The following MFSD11 variants were observed in gnomAD, a reference collection of about 807,000 sequenced individuals.
MFSD11 encodes the protein UNC93-like protein MFSD11.
Under a neutral mutation model 53.5 loss-of-function variants are expected in MFSD11, and 36 were observed. The ratio of observed to expected loss-of-function variants is 0.67; its 90% CI spans 0.52 to 0.89. MFSD11 has a LOEUF of 0.89. MFSD11 is among the 40% of genes least tolerant of loss of function. MFSD11 has a pLI of 0.00. For synonymous variants in MFSD11, 186 were observed against 184.9 expected, an observed-to-expected ratio of 1.01 and a Z score of -0.05; for missense variants, 530 against 543.9, an observed-to-expected ratio of 0.97 and a Z score of 0.25.
At chr17:76,775,659 A>G (rs556550405) in intron 11 of MFSD11, among the ~76,000 whole-genome samples, 4 of 152,326 alleles carry the variant, frequency 2.6e-5, no homozygotes, top group African/African-American at 7.2e-5. Flanking sequence ...AGCCCAGCCC[A>G]AAAAACTATA....
At chr17:76,781,133 G>A (rs2082154198), downstream of MFSD11, 1 of 152,244 alleles carries the variant, frequency 6.6e-6, no homozygotes, top group African/African-American at 2.4e-5. Flanking sequence ...CAGTGAAGGT[G>A]TGTTCCAGGC....
chr17:76,754,680 T>C (rs2079395845), intron 8 of MFSD11, among the ~76,000 whole-genome samples: 1 of 35,228 alleles, frequency 2.8e-5, no homozygotes, highest in Non-Finnish European at 5.5e-5. Flanking sequence ...GGAGACTCCA[T>C]CTCAAAAAAA....
intron 9 of MFSD11, 59 bp downstream of exon 9, chr17:76,767,510 A>G (rs2080960153): frequency 6.6e-6 from 7 of 1,053,282 alleles, no homozygotes; most frequent in South Asian, 4.1e-5. Context: ...GGAGTTGAAA[A>G]CGAGCCACGT....
chr17:76,739,020 T>A, intron 2 of MFSD11, 27 bp downstream of exon 2: 2 of 1,589,954 alleles, frequency 1.3e-6, no homozygotes, highest in Non-Finnish European at 8.6e-7. Flanking sequence ...TTGATTTTGC[T>A]TTATATTTGA....
At chr17:76,797,155 C>T in the MFSD11 span, among the ~76,000 whole-genome samples, 2 of 151,340 alleles carry the variant, frequency 1.3e-5, no homozygotes, top group African/African-American at 4.9e-5. Flanking sequence ...GGCGACAGAG[C>T]GAGACTCTTC....
chr17:76,795,319 CAAAAAAAA>C, the MFSD11 span, among the ~76,000 whole-genome samples: 3 of 116,294 alleles, frequency 2.6e-5, no homozygotes, highest in Non-Finnish European at 5.2e-5. Flanking sequence ...CTGTTTCTAC[CAAAAAAAA>C]AAAAAAAAAA....
At chr17:76,741,143 T>G (rs1199301288) in intron 3 of MFSD11, 79 bp downstream of exon 3, 2 of 951,968 alleles carry the variant, frequency 2.1e-6, no homozygotes, top group African/African-American at 3.2e-5. Context: ...TTCACAATAA[T>G]TTATAGACTT....
intron 10 of MFSD11, 29 bp downstream of exon 10, chr17:76,769,900 A>T (rs1351177984): frequency 6.3e-7 from 1 of 1,597,110 alleles, no homozygotes; most frequent in Non-Finnish European, 8.5e-7. Context: ...CGTTTGCATT[A>T]AAAATATCAG....
upstream of MFSD11, chr17:76,738,009 C>T: frequency 3.0e-6 from 1 of 331,002 alleles, no homozygotes; most frequent in East Asian, 4.6e-5. Context: ...GTGAGTCAGG[C>T]TGGGAGGGCG....
intron 8 of MFSD11, among the ~76,000 whole-genome samples, chr17:76,762,361 G>A (rs1343884414): frequency 6.6e-6 from 1 of 152,134 alleles, no homozygotes; most frequent in Non-Finnish European, 1.5e-5. Context: ...AACAATGGAT[G>A]AATAAAGTAC....
intron 8 of MFSD11, among the ~76,000 whole-genome samples, chr17:76,759,746 C>G: frequency 8.0e-6 from 1 of 124,728 alleles, no homozygotes; most frequent in Non-Finnish European, 1.6e-5. Context: ...TGTGAGCCAC[C>G]GTGACCGGCC....
the MFSD11 span, among the ~76,000 whole-genome samples, chr17:76,789,218 C>T: frequency 6.7e-6 from 1 of 149,948 alleles, no homozygotes; most frequent in African/African-American, 2.4e-5. Context: ...GTCAAGTGGG[C>T]AACATAAGAG....
downstream of MFSD11, among the ~76,000 whole-genome samples, chr17:76,779,605 C>T (rs1393446513): frequency 1.3e-5 from 2 of 152,108 alleles, no homozygotes; most frequent in African/African-American, 4.8e-5. Flanking sequence ...ATTCTTTAGC[C>T]TCCCAACTAG....
At chr17:76,742,410 A>G in intron 5 of MFSD11, 137 bp downstream of exon 5, 1 of 694,328 alleles carries the variant, frequency 1.4e-6, no homozygotes, top group Non-Finnish European at 2.5e-6. Context: ...CGTGATTCCA[A>G]TTTTATAGAA....
At chr17:76,756,304 A>T (rs575011998) in intron 8 of MFSD11, among the ~76,000 whole-genome samples, 2 of 150,550 alleles carry the variant, frequency 1.3e-5, no homozygotes, top group Non-Finnish European at 3.0e-5. Context: ...TGCATTTTTT[A>T]GTAGAGACAG....
chr17:76,785,655 C>T (rs957968203), downstream of MFSD11, among the ~76,000 whole-genome samples: 6 of 151,986 alleles, frequency 3.9e-5, no homozygotes, highest in Non-Finnish European at 7.4e-5. Context: ...TTAATGAGTA[C>T]AAAGTTTCTG....
At chr17:76,748,457 G>A (rs1279765960) in intron 7 of MFSD11, among the ~76,000 whole-genome samples, 1 of 151,962 alleles carries the variant, frequency 6.6e-6, no homozygotes, top group Non-Finnish European at 1.5e-5. Flanking sequence ...GGAGGCTGAG[G>A]CAAGAAGATC....
upstream of MFSD11, chr17:76,737,340 A>G (rs957783637): frequency 2.5e-6 from 2 of 792,972 alleles, no homozygotes; most frequent in South Asian, 2.2e-5. Flanking sequence ...CTGGGCGGGC[A>G]GCCGGCCTCT....
chr17:76,754,847 A>G (rs2079413039), intron 8 of MFSD11, among the ~76,000 whole-genome samples: 1 of 152,116 alleles, frequency 6.6e-6, no homozygotes, highest in African/African-American at 2.4e-5. Context: ...AATTCTCACA[A>G]TTCTACGAGT....
Sources: allele counts gnomAD v4.1 joint callset (sites outside exome capture counted in the v4.1 genomes callset), GRCh38; gene constraint gnomAD v4.1.1; transcripts MANE v1.5; gene names NCBI Gene and HGNC (gene_info 2026-07-23, HGNC 2026-07-21).